TTC34: variants seen among roughly 807,000 people sequenced by gnomAD.
The protein encoded by TTC34 is tetratricopeptide repeat domain 34.
In TTC34, 44 loss-of-function variants were observed where a neutral mutation model predicts 40.7. That is an observed-to-expected ratio of 1.08 (90% CI 0.85 to 1.39). TTC34 has a LOEUF of 1.39. TTC34 is among the 40% of genes most tolerant of loss of function. The pLI is 0.00. For synonymous variants in TTC34, 422 were observed against 398.6 expected (o/e 1.06, Z -0.70); for missense variants, 884 against 838.0 (o/e 1.05, Z -0.68).
chr1:2,643,591 C>T (rs1169824821), intron 8 of TTC34, among the ~76,000 whole-genome samples: 2 of 152,196 alleles, frequency 1.3e-5, no homozygotes, highest in African/African-American at 2.4e-5. Flanking sequence ...GACCCCACCC[C>T]GCCCAGCCCG....
chr1:2,783,612 C>A (rs899533393), exon 6 of TTC34: 15 of 1,421,716 alleles, frequency 1.1e-5, no homozygotes, highest in Admixed American at 4.9e-5. Context: ...GCGGCACCTG[C>A]AGCTGGTCTA....
At chr1:2,758,161 T>A (rs1396614021) in intron 6 of TTC34, among the ~76,000 whole-genome samples, 203 of 6,902 alleles carry the variant, frequency 0.029, no homozygotes, top group Admixed American at 0.036. Context: ...CATCCCCAGG[T>A]GAGCATCTGA....
chr1:2,778,568 C>T (rs1386747247), intron 6 of TTC34, among the ~76,000 whole-genome samples: 2 of 152,198 alleles, frequency 1.3e-5, no homozygotes, highest in Non-Finnish European at 2.9e-5. Flanking sequence ...CACTGTTCAG[C>T]CACATCTCCT....
intron 4 of TTC34, 124 bp from the exon 5 acceptor site, chr1:2,786,147 C>A (rs570483171): frequency 5.8e-6 from 5 of 867,574 alleles, no homozygotes; most frequent in Middle Eastern, 7.3e-4. Context: ...CTGGTGCCAA[C>A]GCTCCCAGTC....
chr1:2,750,624 C>T (rs879059356), intron 6 of TTC34, among the ~76,000 whole-genome samples: 1 of 12,206 alleles, frequency 8.2e-5, no homozygotes, highest in African/African-American at 3.0e-4. Context: ...GAGCATCTGA[C>T]AGCCTGGAGC....
At chr1:2,656,358 C>T (rs1484479701) in intron 6 of TTC34, among the ~76,000 whole-genome samples, 1 of 147,118 alleles carries the variant, frequency 6.8e-6, no homozygotes, top group Non-Finnish European at 1.5e-5. Flanking sequence ...ATCTGACAGC[C>T]TGGAACAGCA....
chr1:2,641,248 T>C (rs1276840736), exon 9 of TTC34: 15 of 1,140,788 alleles, frequency 1.3e-5, no homozygotes, highest in Admixed American at 6.5e-5. Context: ...GAAGGGGGTG[T>C]GGAGAGGGCA....
exon 3 of TTC34, chr1:2,790,014 G>C: frequency 2.5e-6 from 1 of 395,254 alleles, no homozygotes; most frequent in Non-Finnish European, 4.5e-6. Flanking sequence ...CGGGCTCCCA[G>C]CGCGGGTCGC....
chr1:2,792,033 T>TTTTA (rs1553171534), intron 2 of TTC34, among the ~76,000 whole-genome samples: 1,264 of 107,154 alleles, frequency 0.012, 163 homozygotes, highest in Non-Finnish European at 0.018. Context: ...TTTTTTTTTT[T>TTTTA]AAAGACAGGG....
At chr1:2,751,371 A>C (rs1354679094) in intron 6 of TTC34, among the ~76,000 whole-genome samples, 22,925 of 138,170 alleles carry the variant, frequency 0.17, 3,624 homozygotes, top group South Asian at 0.23. Context: ...CCACACCCCC[A>C]GGTGCGCATC....
At chr1:2,652,508 T>TGGGTCG (rs1570753892) in intron 6 of TTC34, among the ~76,000 whole-genome samples, 414 of 137,004 alleles carry the variant, frequency 3.0e-3, no homozygotes, top group Middle Eastern at 0.011. Flanking sequence ...TCTGACGGCC[T>TGGGTCG]GCAACAGCAC....
intron 6 of TTC34, among the ~76,000 whole-genome samples, chr1:2,757,058 GACC>G (rs1641530877): frequency 1.4e-4 from 11 of 77,032 alleles, no homozygotes; most frequent in African/African-American, 6.9e-4. Context: ...CCTGGAACAG[GACC>G]CACACCCCCA....
intron 6 of TTC34, among the ~76,000 whole-genome samples, chr1:2,647,399 C>T (rs1570748297): frequency 1.3e-5 from 2 of 152,100 alleles, no homozygotes; most frequent in South Asian, 4.1e-4. Context: ...CTGAGGTGGG[C>T]AGATCCAGAG....
chr1:2,656,250 A>C (rs4648567), intron 6 of TTC34, among the ~76,000 whole-genome samples: 299 of 138,994 alleles, frequency 2.2e-3, no homozygotes, highest in Middle Eastern at 0.019. Flanking sequence ...GGAACAGCAC[A>C]CACACACCCA....
intron 6 of TTC34, among the ~76,000 whole-genome samples, chr1:2,782,336 T>C (rs543776770): frequency 6.6e-6 from 1 of 152,226 alleles, no homozygotes; most frequent in African/African-American, 2.4e-5. Context: ...TCTGTAGAAT[T>C]GGTAATAACC....
intron 6 of TTC34, among the ~76,000 whole-genome samples, chr1:2,753,337 C>G (rs1272444184): frequency 2.6e-4 from 29 of 113,292 alleles, no homozygotes; most frequent in Non-Finnish European, 4.7e-4. Flanking sequence ...CACCCACACC[C>G]CCAGACGAGC....
chr1:2,683,904 G>A (rs1443316267), intron 6 of TTC34, among the ~76,000 whole-genome samples: 2 of 149,800 alleles, frequency 1.3e-5, no homozygotes, highest in South Asian at 2.1e-4. Flanking sequence ...GCCTGGGTCG[G>A]CACCCACACC....
At chr1:2,653,606 A>G (rs77663463) in intron 6 of TTC34, among the ~76,000 whole-genome samples, 56 of 2,578 alleles carry the variant, frequency 0.022, no homozygotes, top group Non-Finnish European at 0.031. Flanking sequence ...GCAGCACCCT[A>G]CACCCACAAG....
At chr1:2,786,923 G>C (rs1557690685) in intron 4 of TTC34, among the ~76,000 whole-genome samples, 2 of 152,200 alleles carry the variant, frequency 1.3e-5, no homozygotes, top group Non-Finnish European at 2.9e-5. Context: ...CCCAGGGGGA[G>C]GAAGACGCGA....
Sources: allele counts gnomAD v4.1 joint callset (sites outside exome capture counted in the v4.1 genomes callset), GRCh38; gene constraint gnomAD v4.1.1; transcripts MANE v1.5; gene names NCBI Gene and HGNC (gene_info 2026-07-23, HGNC 2026-07-21).